The following ITGB3BP variants were observed in gnomAD, a reference collection of about 807,000 sequenced individuals.
The protein encoded by ITGB3BP is centromere protein R.
In ITGB3BP, 27 loss-of-function variants were observed where a neutral mutation model predicts 29.1. The ratio of observed to expected loss-of-function variants is 0.93; its 90% CI spans 0.68 to 1.28. ITGB3BP has a LOEUF of 1.28. ITGB3BP is among the 50% of genes most tolerant of loss of function. The pLI, the probability that ITGB3BP is intolerant of heterozygous loss-of-function variation, is 0.00. For synonymous variants in ITGB3BP, 61 were observed against 61.4 expected, an observed-to-expected ratio of 0.99 and a Z score of 0.03; for missense variants, 192 against 200.2, an observed-to-expected ratio of 0.96 and a Z score of 0.25.
intron 1 of ITGB3BP, among the ~76,000 whole-genome samples, chr1:63,521,829 A>G (rs1360394349): frequency 6.6e-6 from 1 of 151,870 alleles, no homozygotes; most frequent in Admixed American, 6.6e-5. Context: ...TTGGTTCCCC[A>G]CTCCTATACA....
rs1368333535 is a variant in ITGB3BP, at chr1:63,446,983, A to G, written c.485-127T>C. The G allele has an allele frequency of 9.0e-6, 6 of 666,556 alleles. No homozygotes were observed. The East Asian group carries it at 1.6e-4, about 18-fold the overall frequency. The allele number at this position is 666,556 out of a possible 1,614,324, so 41.3% of individuals were successfully genotyped here. On this transcript the variant is annotated intron_variant, in intron 7 of 8. Coordinates refer to ENST00000271002, the MANE Select transcript of ITGB3BP (RefSeq NM_014288.5). ...CAACCTGAAGTCTTGTTTTATACTA[A>G]TAGCAGCTCTAAGGCTATAAATTCT...
chr1:63,458,209 C>T (rs1644963449), intron 4 of ITGB3BP: 1 of 152,122 alleles, frequency 6.6e-6, no homozygotes, highest in Non-Finnish European at 1.5e-5. Flanking sequence ...AGTCTCAAGT[C>T]AGGTGTAACT....
At chr1:63,467,832 T>A (rs1645126395) in intron 4 of ITGB3BP, among the ~76,000 whole-genome samples, 1 of 152,214 alleles carries the variant, frequency 6.6e-6, no homozygotes, top group African/African-American at 2.4e-5. Context: ...AACCCAAATG[T>A]CAACAGTGCT....
chr1:63,490,879 T>G (rs1013749017), intron 2 of ITGB3BP, among the ~76,000 whole-genome samples: 43 of 152,314 alleles, frequency 2.8e-4, no homozygotes, highest in Middle Eastern at 3.4e-3. Flanking sequence ...AAATATTATC[T>G]TTTCATCTTT....
chr1:63,522,544 T>TA (rs1646477832), intron 1 of ITGB3BP, among the ~76,000 whole-genome samples: 1 of 152,190 alleles, frequency 6.6e-6, no homozygotes, highest in Non-Finnish European at 1.5e-5. Context: ...GAATCTTATC[T>TA]AGCACAATGC....
chr1:63,528,454 G>A (rs1646635197), intron 2 of ITGB3BP, among the ~76,000 whole-genome samples: 1 of 151,830 alleles, frequency 6.6e-6, no homozygotes, highest in Non-Finnish European at 1.5e-5. Context: ...TGGGGGTAGG[G>A]GGAGAAAATA....
chr1:63,492,480 T>C (rs1469156781), intron 2 of ITGB3BP, among the ~76,000 whole-genome samples: 1 of 152,070 alleles, frequency 6.6e-6, no homozygotes, highest in African/African-American at 2.4e-5. Context: ...CAAGTTCCTC[T>C]AACTTTTAAT....
intron 4 of ITGB3BP, among the ~76,000 whole-genome samples, chr1:63,475,361 G>A (rs1372619240): frequency 6.6e-6 from 1 of 152,136 alleles, no homozygotes; most frequent in East Asian, 1.9e-4. Context: ...TGCAAGTTCA[G>A]CCTGGGCAAC....
intron 4 of ITGB3BP, 142 bp from the exon 5 acceptor site, chr1:63,455,110 T>C: frequency 3.8e-6 from 2 of 528,204 alleles, no homozygotes; most frequent in Non-Finnish European, 6.8e-6. Context: ...TTATCAACTG[T>C]CCCCTCTTTT....
At chr1:63,452,518 G>A (rs1217665869) in intron 7 of ITGB3BP, among the ~76,000 whole-genome samples, 1 of 152,154 alleles carries the variant, frequency 6.6e-6, no homozygotes, top group East Asian at 1.9e-4. Context: ...TAACAGACAA[G>A]AGGCCAGGCG....
At chr1:63,528,336 A>C (rs1313915227) in intron 2 of ITGB3BP, among the ~76,000 whole-genome samples, 2 of 152,222 alleles carry the variant, frequency 1.3e-5, no homozygotes, top group Non-Finnish European at 2.9e-5. Context: ...TGGCACAGAA[A>C]GGCAAACATC....
At chr1:63,443,768 C>A (rs1320300272) in intron 8 of ITGB3BP, among the ~76,000 whole-genome samples, 2 of 151,914 alleles carry the variant, frequency 1.3e-5, no homozygotes, top group African/African-American at 4.8e-5. Flanking sequence ...TATAATCTGG[C>A]AGCGTTTGGA....
intron 1 of ITGB3BP, chr1:63,522,928 G>C (rs757627963): frequency 3.9e-6 from 3 of 762,192 alleles, no homozygotes; most frequent in African/African-American, 3.4e-5. Context: ...GAAACAGAAA[G>C]CGAAGGAGGA....
Position 63,505,243 on chromosome 1 carries a change from G to A in ITGB3BP, c.48+3285C>T, listed in dbSNP as rs1277573491. On this transcript the variant is annotated intron_variant, in intron 2 of 8. Coordinates refer to ENST00000271002, the MANE Select transcript of ITGB3BP (RefSeq NM_014288.5). ...ATTCTTCCTGGTTTAGTCTTGGGAGGGTGTATGTGTCGAGGAATTTATCCA... is the reference window on the plus strand; with the variant it reads ...ATTCTTCCTGGTTTAGTCTTGGGAGAGTGTATGTGTCGAGGAATTTATCCA... Among the ~76,000 whole-genome samples, 5 of 152,008 alleles carry A rather than the reference G, an allele frequency of 3.3e-5. No individual in the cohort carries two copies. In the South Asian group the frequency reaches 6.2e-4, roughly 19 times the overall value.
chr1:63,476,170 CT>C (rs112845325), intron 4 of ITGB3BP, among the ~76,000 whole-genome samples: 42 of 145,368 alleles, frequency 2.9e-4, no homozygotes, highest in South Asian at 6.5e-4. Flanking sequence ...GATAGAAATA[CT>C]TTTTTTTTTT....
At chr1:63,475,602 T>C (rs369194365) in intron 4 of ITGB3BP, among the ~76,000 whole-genome samples, 1 of 152,002 alleles carries the variant, frequency 6.6e-6, no homozygotes, top group African/African-American at 2.4e-5. Context: ...TTTTAAAAAA[T>C]AAAAGAAATC....
chr1:63,515,594 G>T (rs759378096), intron 1 of ITGB3BP, among the ~76,000 whole-genome samples: 8 of 152,012 alleles, frequency 5.3e-5, no homozygotes, highest in Non-Finnish European at 8.8e-5. Flanking sequence ...TTGGGAGGCT[G>T]AGGTGGGCAG....
chr1:63,508,542 G>A lies in ITGB3BP; in HGVS notation c.34C>T (p.Leu12=). 1.4e-6 allele frequency: 2 copies of A among 1,427,992 alleles called. No individual in the cohort carries two copies. Among genetic ancestry groups the A allele is most frequent in the African/African-American group, 1.4e-5 (1 of 69,092 alleles). 88.5% of individuals were successfully genotyped at this position (1,427,992 alleles called of 1,614,324 possible). A position where few individuals can be genotyped will look rare whatever the true frequency, so the allele number is the denominator to read the frequency against. ...CAAATACTTACATTTTCTTCTAACA[G>A]ACCATCCAACTTCAGTGATCTTTTA... ...PVKRSLKLDG[L]LEENSFDPSK... The change falls in exon 2 of 9, where the codon CTG becomes TTG. Residue 12 remains leucine (L), a synonymous_variant. Transcript: ENST00000271002.
chr1:63,513,222 T>C (rs1175579271), intron 1 of ITGB3BP, among the ~76,000 whole-genome samples: 6 of 152,212 alleles, frequency 3.9e-5, no homozygotes, highest in Admixed American at 3.9e-4. Context: ...TTAGTTAGCA[T>C]TACATTCCAA....
Sources: gnomAD v4.1 joint callset for allele counts (sites outside exome capture counted in the v4.1 genomes callset) on GRCh38, gnomAD v4.1.1 for gene constraint, MANE v1.5 for transcripts, NCBI Gene and HGNC (gene_info 2026-07-23, HGNC 2026-07-21) for gene names.